MAP3K4: variants seen among roughly 807,000 people sequenced by gnomAD.
MAP3K4 encodes the protein MAP three kinase 1.
MAP3K4 carries 67 observed loss-of-function variants against 185.6 expected under a neutral mutation model. The ratio of observed to expected loss-of-function variants is 0.36; its 90% CI spans 0.30 to 0.44. The LOEUF is 0.44. MAP3K4 is among the 20% of genes least tolerant of loss of function. The pLI is 1.00. For missense variants in MAP3K4, 1,551 were observed against 1,995.1 expected, an observed-to-expected ratio of 0.78 and a Z score of 4.24; for synonymous variants, 702 against 710.4, an observed-to-expected ratio of 0.99 and a Z score of 0.19.
rs1431449481 is a variant in MAP3K4, at chr6:161,076,889, TA to T, written c.2097+3278del. On this transcript the variant is annotated intron_variant, in intron 5 of 26. Transcript: ENST00000392142. This position sits in a 1 kb window ranked among gnomAD's most constrained non-coding sequence, Gnocchi z 4.2. ...TAAACTCCCTCTTAGAGTTTAAGAA[TA>T]GGGGGGTCCATGGTGATTGTAGAAC... is the stretch of plus-strand genomic sequence containing the variant. Among the ~76,000 whole-genome samples the T allele has an allele frequency of 1.3e-5, 2 of 152,088 alleles. No homozygotes were observed. The highest frequency in any genetic ancestry group is 2.1e-4 in the South Asian group (1 of 4,826).
intron 1 of MAP3K4, among the ~76,000 whole-genome samples, chr6:160,999,002 A>G (rs1303125850): frequency 6.6e-6 from 1 of 152,258 alleles, no homozygotes. Flanking sequence ...TTCATGGGTC[A>G]TATGGATGCC....
Position 161,034,524 on chromosome 6 carries a change from G to A in MAP3K4, c.343+75G>A, listed in dbSNP as rs572142764. ...ATTGATTCTTTCAACAATAAAGTTA[G>A]CAATTTCTTTTATTTTTAATTTGAT... is the stretch of plus-strand genomic sequence containing the variant. On this transcript the variant is annotated intron_variant, in intron 2 of 26. Coordinates refer to ENST00000392142, the MANE Select transcript of MAP3K4 (RefSeq NM_005922.4). This position sits in a 1 kb window ranked among gnomAD's most constrained non-coding sequence, Gnocchi z 4.4. 32 of 1,222,968 alleles carry A rather than the reference G, an allele frequency of 2.6e-5. No individual in the cohort carries two copies. The highest frequency in any genetic ancestry group is 1.3e-4 in the Admixed American group (5 of 37,510). 75.8% of individuals were successfully genotyped at this position (1,222,968 alleles called of 1,614,324 possible).
intron 1 of MAP3K4, among the ~76,000 whole-genome samples, chr6:160,998,948 C>T (rs562008239): frequency 3.9e-5 from 6 of 152,100 alleles, no homozygotes; most frequent in East Asian, 1.9e-4. Context: ...ATTACAAGAA[C>T]GTTCATGTTT....
rs1778608960 is a variant in MAP3K4, at chr6:161,116,873, C to G, written c.*3C>G. 6.8e-6 allele frequency: 11 copies of G among 1,613,596 alleles called. No individual in the cohort carries two copies. The highest frequency in any genetic ancestry group is 9.3e-6 in the Non-Finnish European group (11 of 1,179,636). Reference sequence around the variant, plus strand: ...AGGTTTGCACAGATGAAGAATGAAGCCTAGTAGAATATGGACTTGGAAAAT... The same window carrying G: ...AGGTTTGCACAGATGAAGAATGAAGGCTAGTAGAATATGGACTTGGAAAAT... On this transcript the variant is annotated 3_prime_UTR_variant, in exon 27 of 27. Transcript: ENST00000392142. The surrounding 1 kb of genome is among the most constrained non-coding windows in gnomAD (Gnocchi z 6.2).
rs1783980082 is a variant in MAP3K4, at chr6:161,051,039, C to T, written c.1707+1060C>T. 6.6e-6 allele frequency among the ~76,000 whole-genome samples: 1 copy of T among 152,070 alleles called. No homozygotes were observed. Among genetic ancestry groups the T allele is most frequent in the African/African-American group, 2.4e-5 (1 of 41,384 alleles). On this transcript the variant is annotated intron_variant, in intron 3 of 26. Transcript: ENST00000392142. This position sits in a 1 kb window ranked among gnomAD's most constrained non-coding sequence, Gnocchi z 4.2. ...TTTAATCTCGAGATTATGTGTAATG[C>T]CTTATGTAATATAAATGCTGTGTAA...
intron 1 of MAP3K4, among the ~76,000 whole-genome samples, chr6:161,013,561 C>G (rs780231392): frequency 7.3e-5 from 11 of 151,688 alleles, no homozygotes; most frequent in Non-Finnish European, 1.6e-4. Flanking sequence ...CAGGTGAGCC[C>G]AAAAGTGAGG....
intron 15 of MAP3K4, among the ~76,000 whole-genome samples, chr6:161,095,674 A>C (rs1479833605): frequency 6.6e-6 from 1 of 152,150 alleles, no homozygotes; most frequent in Non-Finnish European, 1.5e-5. Context: ...CATTGGCCAC[A>C]CTGTGGCCGT....
Position 161,084,581 on chromosome 6 carries a change from C to A in MAP3K4, c.2336C>A (p.Thr779Asn). 6.2e-7 allele frequency: 1 copy of A among 1,612,190 alleles called. No homozygotes were observed. The highest frequency in any genetic ancestry group is 1.1e-5 in the South Asian group (1 of 91,036). Residue 779 changes from threonine to asparagine, a missense_variant, in exon 7 of 27, where the codon ACT becomes AAT. Physicochemically the swap from Thr to Asn is moderately conservative, Grantham distance 65. Coordinates refer to ENST00000392142, the MANE Select transcript of MAP3K4 (RefSeq NM_005922.4). This position sits in a 1 kb window ranked among gnomAD's most constrained non-coding sequence, Gnocchi z 4.6. ...GLQESCAEFW[T>N]SADDSSASDE... ...CAGGAGAGCTGTGCTGAATTTTGGA[C>A]TAGTGCGGATGACAGCAGTGCTTCC...
chr6:161,094,972 G>A (rs1356793540), intron 15 of MAP3K4, among the ~76,000 whole-genome samples: 1 of 152,140 alleles, frequency 6.6e-6, no homozygotes, highest in Non-Finnish European at 1.5e-5. Flanking sequence ...CATAGAAAAA[G>A]TATCTAGAAA....
chr6:161,111,615 G>A (rs58542428), intron 23 of MAP3K4, among the ~76,000 whole-genome samples: 1,964 of 152,192 alleles, frequency 0.013, 33 homozygotes, highest in African/African-American at 0.044. Context: ...AGAATTTATT[G>A]GTCAAGGCTA....
At chr6:161,019,916 C>G (rs1782299095) in intron 1 of MAP3K4, among the ~76,000 whole-genome samples, 1 of 152,168 alleles carries the variant, frequency 6.6e-6, no homozygotes, top group South Asian at 2.1e-4. Context: ...TCACTCCAAA[C>G]ATGAAACAGC....
chr6:161,102,476 G>A (rs2114897546), intron 18 of MAP3K4, among the ~76,000 whole-genome samples: 1 of 152,234 alleles, frequency 6.6e-6, no homozygotes, highest in East Asian at 1.9e-4. Context: ...CTCGTGAAAA[G>A]ATGAGTGTAG....
chr6:161,093,720 A>T lies in MAP3K4; in HGVS notation c.3349-53A>T. ...ATTAATTTGTGCTACTTACATAATT[A>T]AGAAAGTATGCATGTTTTCTCTTTA... On this transcript the variant is annotated intron_variant, in intron 14 of 26. Coordinates refer to ENST00000392142, the MANE Select transcript of MAP3K4 (RefSeq NM_005922.4). The surrounding 1 kb of genome is among the most constrained non-coding windows in gnomAD (Gnocchi z 5.2). The T allele has an allele frequency of 2.0e-6, 2 of 1,019,522 alleles. No individual in the cohort carries two copies. The highest frequency in any genetic ancestry group is 3.0e-6 in the Non-Finnish European group (2 of 655,804). 63.2% of individuals were successfully genotyped at this position (1,019,522 alleles called of 1,614,324 possible).
chr6:161,097,508 G>C lies in MAP3K4; in HGVS notation c.3524+332G>C, dbSNP rs970145595. Among the ~76,000 whole-genome samples, 2 of 152,246 alleles carry C rather than the reference G, an allele frequency of 1.3e-5. No homozygotes were observed. Among genetic ancestry groups the C allele is most frequent in the African/African-American group, 4.8e-5 (2 of 41,552 alleles). On this transcript the variant is annotated intron_variant, in intron 16 of 26. Coordinates refer to ENST00000392142, the MANE Select transcript of MAP3K4 (RefSeq NM_005922.4). The surrounding 1 kb of genome is among the most constrained non-coding windows in gnomAD (Gnocchi z 4.9). ...GAAAACAAATTTGAATATGGATAGT[G>C]TAGTCAACATTTGAAAACATACTAA...
At chr6:161,079,368 A>G (rs764939695) in intron 5 of MAP3K4, among the ~76,000 whole-genome samples, 3 of 152,142 alleles carry the variant, frequency 2.0e-5, no homozygotes, top group Admixed American at 1.3e-4. Context: ...GCCTGAGGTC[A>G]GGAGTTTGAG....
intron 7 of MAP3K4, among the ~76,000 whole-genome samples, chr6:161,085,541 G>A (rs1473112483): frequency 3.9e-5 from 6 of 152,170 alleles, no homozygotes; most frequent in Non-Finnish European, 8.8e-5. Context: ...TCTCCAAAGC[G>A]AAAATGTTTT....
chr6:161,079,021 C>G (rs1785312873), intron 5 of MAP3K4, among the ~76,000 whole-genome samples: 1 of 151,994 alleles, frequency 6.6e-6, no homozygotes, highest in Admixed American at 6.6e-5. Flanking sequence ...CGAGACCAGC[C>G]TGGCCAACAT....
At chr6:161,046,222 A>G (rs1478510837) in intron 2 of MAP3K4, among the ~76,000 whole-genome samples, 1 of 152,162 alleles carries the variant, frequency 6.6e-6, no homozygotes, top group Non-Finnish European at 1.5e-5. Flanking sequence ...TGAAAAATAT[A>G]GTGGAGTTAA....
At position 161,077,373 on chromosome 6, in the gene MAP3K4, A is replaced by C. The variant is rs1433875315; in HGVS notation, c.2098-3508A>C. On this transcript the variant is annotated intron_variant, in intron 5 of 26. Coordinates refer to ENST00000392142, the MANE Select transcript of MAP3K4 (RefSeq NM_005922.4). This position sits in a 1 kb window ranked among gnomAD's most constrained non-coding sequence, Gnocchi z 4.3. Reference sequence around the variant, plus strand: ...TATGACAAAATACTAACATTTGTTTATTCTGGGTGATACTTGTAGAATACT... The same window carrying C: ...TATGACAAAATACTAACATTTGTTTCTTCTGGGTGATACTTGTAGAATACT... Among the ~76,000 whole-genome samples the C allele has an allele frequency of 6.6e-6, 1 of 152,264 alleles. No individual in the cohort carries two copies. The highest frequency in any genetic ancestry group is 1.5e-5 in the Non-Finnish European group (1 of 68,046).
Sources: gnomAD v4.1 joint callset for allele counts (sites outside exome capture counted in the v4.1 genomes callset) on GRCh38, gnomAD v4.1.1 for gene constraint, Gnocchi (gnomAD v3.1) non-coding constraint, MANE v1.5 for transcripts, NCBI Gene and HGNC (gene_info 2026-07-23, HGNC 2026-07-21) for gene names.